Variants in CCDC77 observed in about 807,000 individuals in gnomAD.
The protein encoded by CCDC77 is coiled-coil domain containing 77, also known as coiled-coil domain-containing protein 77.
Under a neutral mutation model 66.8 loss-of-function variants are expected in CCDC77, and 56 were observed. The observed-to-expected ratio is 0.84, with a 90% CI of 0.68 to 1.05. The LOEUF is 1.05. Ranked by LOEUF, CCDC77 falls within the 50% of genes least tolerant of loss-of-function variation. CCDC77 has a pLI of 0.00. For synonymous variants in CCDC77, 196 were observed against 195.2 expected, an observed-to-expected ratio of 1.00 and a Z score of -0.03; for missense variants, 570 against 576.8, an observed-to-expected ratio of 0.99 and a Z score of 0.12.
upstream of CCDC77, among the ~76,000 whole-genome samples, chr12:399,135 A>C (rs1591955204): frequency 6.6e-6 from 1 of 152,114 alleles, no homozygotes; most frequent in East Asian, 1.9e-4. Context: ...CAGATCCACC[A>C]GAGAAATCAC....
rs1017314694 is a variant in CCDC77, at chr12:418,919, G to A, written c.413+283G>A. 7 of 321,402 alleles carry A rather than the reference G, an allele frequency of 2.2e-5. No individual in the cohort carries two copies. In the East Asian group the frequency reaches 4.5e-4, roughly 21 times the overall value. The allele number at this position is 321,402 out of a possible 1,614,324, so 19.9% of individuals were successfully genotyped here. ...TTGCCCTGTCAGCCACGCTGGTCTCGAACTCTTGGCCTCAAGTGATCCGCC... is the reference window on the plus strand; with the variant it reads ...TTGCCCTGTCAGCCACGCTGGTCTCAAACTCTTGGCCTCAAGTGATCCGCC... On this transcript the variant is annotated intron_variant, in intron 5 of 12. Coordinates refer to ENST00000239830, the MANE Select transcript of CCDC77 (RefSeq NM_032358.4).
At chr12:397,513 ACC>A (rs1390934894), upstream of CCDC77, among the ~76,000 whole-genome samples, 2 of 152,182 alleles carry the variant, frequency 1.3e-5, no homozygotes, top group African/African-American at 4.8e-5. Context: ...AGTGAATATC[ACC>A]ATAAAGCAAA....
chr12:426,714 A>G (rs1319429202), intron 5 of CCDC77, among the ~76,000 whole-genome samples: 2 of 152,016 alleles, frequency 1.3e-5, no homozygotes, highest in East Asian at 1.9e-4. Context: ...CATTTATTCC[A>G]TGGTCCCCAC....
Position 413,920 on chromosome 12 carries a change from G to A in CCDC77, c.270+1942G>A, listed in dbSNP as rs960079164. 3.3e-4 allele frequency among the ~76,000 whole-genome samples: 50 copies of A among 149,894 alleles called. 2 individuals are homozygous for A. Among genetic ancestry groups the A allele is most frequent in the African/African-American group, 1.0e-3 (41 of 40,368 alleles). On this transcript the variant is annotated intron_variant, in intron 4 of 12. Coordinates refer to ENST00000239830, the MANE Select transcript of CCDC77 (RefSeq NM_032358.4). ...TGGGATTACAGGCGTGAGCCACCGC[G>A]CCCAGCTGGGAAATGTCTTGACTGC...
Position 418,061 on chromosome 12 carries a change from A to G in CCDC77, c.271-433A>G, listed in dbSNP as rs577334320. On this transcript the variant is annotated intron_variant, in intron 4 of 12. Transcript: ENST00000239830. ...AGGCTGGGCATGGTGGCTCGTGCCTATAATCCCAGTACTTTGGGAGACTGA... is the reference window on the plus strand; with the variant it reads ...AGGCTGGGCATGGTGGCTCGTGCCTGTAATCCCAGTACTTTGGGAGACTGA... 2.6e-5 allele frequency among the ~76,000 whole-genome samples: 4 copies of G among 152,206 alleles called. No individual in the cohort carries two copies. In the East Asian group the frequency reaches 7.7e-4, roughly 29 times the overall value.
upstream of CCDC77, among the ~76,000 whole-genome samples, chr12:398,532 C>T (rs1343261217): frequency 3.3e-5 from 5 of 151,484 alleles, no homozygotes; most frequent in South Asian, 2.1e-4. Flanking sequence ...CTCTGCCTCC[C>T]GGGTTCAAGC....
chr12:441,735 A>G, intron 12 of CCDC77, 39 bp from the exon 13 acceptor site: 2 of 1,578,584 alleles, frequency 1.3e-6, no homozygotes, highest in Non-Finnish European at 1.7e-6. Context: ...GGCATATGCC[A>G]TCATCATTTC....
intron 4 of CCDC77, among the ~76,000 whole-genome samples, chr12:414,833 CACAG>C (rs1345286847): frequency 6.6e-6 from 1 of 152,136 alleles, no homozygotes; most frequent in African/African-American, 2.4e-5. Context: ...ACGATGCTCA[CACAG>C]ACCCTTGAGT....
At chr12:428,928 A>T in intron 6 of CCDC77, 63 bp downstream of exon 6, 1 of 1,025,102 alleles carries the variant, frequency 9.8e-7, no homozygotes, top group Non-Finnish European at 1.5e-6. Context: ...AAGGCCCATC[A>T]TCAGAAGAAC....
At chr12:428,140 G>A (rs146296696) in intron 5 of CCDC77, among the ~76,000 whole-genome samples, 1 of 152,230 alleles carries the variant, frequency 6.6e-6, no homozygotes, top group African/African-American at 2.4e-5. Context: ...CCTGGCAGTT[G>A]GCAGAATGAG....
At chr12:427,003 T>G (rs1164413667) in intron 5 of CCDC77, among the ~76,000 whole-genome samples, 1 of 152,104 alleles carries the variant, frequency 6.6e-6, no homozygotes, top group Non-Finnish European at 1.5e-5. Context: ...CCCAGCACTT[T>G]GGGGTGGCTG....
intron 1 of CCDC77, among the ~76,000 whole-genome samples, chr12:402,345 A>G (rs74056169): frequency 0.02 from 3,049 of 152,320 alleles, 85 homozygotes; most frequent in African/African-American, 0.069. Context: ...ATAATTTCAA[A>G]GGCAGTTCTT....
intron 4 of CCDC77, among the ~76,000 whole-genome samples, chr12:416,361 GTGTGTGTGTGTGTGTGTA>G (rs1565569045): frequency 8.7e-4 from 33 of 37,722 alleles, no homozygotes; most frequent in Admixed American, 2.0e-3. Context: ...GTGTGTGTGT[GTGTGTGTGTGTGTGTGTA>G]TATATATATA....
rs200870206 is a variant in CCDC77 at position 428,776 on chromosome 12, G to C, written c.421G>C (p.Glu141Gln). The change falls in exon 6 of 13, where the codon GAA becomes CAA. Residue 141 changes from glutamate (E) to glutamine (Q), a missense_variant. Physicochemically the swap from Glu to Gln is conservative, Grantham distance 29 (BLOSUM62 2). Transcript: ENST00000239830. The stretch of plus-strand genomic sequence containing the variant: ...TTTCCATGAGAATTGCAGGGAGCTA[G>C]AAGACAAGAAAAAGATTCAGAATCT... ...ENDRLRIREL[E>Q]DKKKIQNLLA... The C allele has an allele frequency of 1.9e-6, 3 of 1,610,102 alleles. No individual in the cohort carries two copies. Among genetic ancestry groups the C allele is most frequent in the African/African-American group, 1.3e-5 (1 of 74,714 alleles).
At position 409,401 on chromosome 12, in the gene CCDC77, A is replaced by G; in HGVS notation, c.18A>G (p.Thr6=). The G allele has an allele frequency of 6.2e-7, 1 of 1,613,448 alleles. No homozygotes were observed. The highest frequency in any genetic ancestry group is 8.5e-7 in the Non-Finnish European group (1 of 1,179,882). The change falls in exon 3 of 13, where the codon ACA becomes ACG. Residue 6 remains threonine, a synonymous_variant. Coordinates refer to ENST00000239830, the MANE Select transcript of CCDC77 (RefSeq NM_032358.4). Reference sequence around the variant, plus strand: ...AAGACAGCATGAACTTTACCCCAACACACACCCCTGTCTGCAGAAAGTAAG... The same window carrying G: ...AAGACAGCATGAACTTTACCCCAACGCACACCCCTGTCTGCAGAAAGTAAG... MNFTP[T]HTPVCRKRTV...
intron 6 of CCDC77, 87 bp downstream of exon 6, chr12:428,952 G>A: frequency 4.0e-6 from 3 of 744,840 alleles, no homozygotes; most frequent in Non-Finnish European, 6.6e-6. Context: ...AGTATCCGCT[G>A]GAGAAGGCAG....
chr12:437,822 C>T (rs1176542329), intron 9 of CCDC77, among the ~76,000 whole-genome samples: 2 of 132,166 alleles, frequency 1.5e-5, no homozygotes, highest in Non-Finnish European at 3.1e-5. Flanking sequence ...CTCCAACCTA[C>T]GTGACAGAGC....
At chr12:399,360 G>A (rs1387553831), upstream of CCDC77, among the ~76,000 whole-genome samples, 1 of 151,958 alleles carries the variant, frequency 6.6e-6, no homozygotes, top group African/African-American at 2.4e-5. Context: ...TAGTAGAAAC[G>A]GGGGTTTCTC....
At chr12:438,307 A>G (rs1945793122) in intron 9 of CCDC77, 28 bp from the exon 10 acceptor site, 1 of 1,495,374 alleles carries the variant, frequency 6.7e-7, no homozygotes, top group African/African-American at 1.4e-5. Context: ...GCGCATCCTC[A>G]TGTCTGCATT....
Sources: allele counts gnomAD v4.1 joint callset (sites outside exome capture counted in the v4.1 genomes callset), GRCh38; gene constraint gnomAD v4.1.1; transcripts MANE v1.5; gene names NCBI Gene and HGNC (gene_info 2026-07-23, HGNC 2026-07-21).